CHRM3: variants seen among roughly 807,000 people sequenced by gnomAD.
CHRM3 encodes muscarinic acetylcholine receptor M3.
In CHRM3, 11 loss-of-function variants were observed where a neutral mutation model predicts 41.8. The observed-to-expected ratio is 0.26, with a 90% CI of 0.17 to 0.44. The LOEUF is 0.44. Ranked by LOEUF, CHRM3 falls within the 20% of genes least tolerant of loss-of-function variation. CHRM3 has a pLI of 1.00. For synonymous variants in CHRM3, 297 were observed against 301.4 expected (o/e 0.99, Z 0.15); for missense variants, 571 against 745.4 (o/e 0.77, Z 2.72).
intron 5 of CHRM3, among the ~76,000 whole-genome samples, chr1:239,779,996 C>G (rs1271623415): frequency 1.3e-5 from 2 of 152,126 alleles, no homozygotes; most frequent in African/African-American, 4.8e-5. Flanking sequence ...GAATAATATT[C>G]CATTGTACTG....
At chr1:239,859,397 T>C (rs1675393057) in intron 6 of CHRM3, among the ~76,000 whole-genome samples, 1 of 137,410 alleles carries the variant, frequency 7.3e-6, no homozygotes, top group African/African-American at 2.7e-5. Context: ...GTTGGCCTGT[T>C]TTTTTTGTTG....
intron 6 of CHRM3, among the ~76,000 whole-genome samples, chr1:239,869,202 G>A (rs543414462): frequency 1.3e-5 from 2 of 152,234 alleles, no homozygotes; most frequent in South Asian, 4.1e-4. Context: ...ACCTGGGCAG[G>A]ACACCCAGCA....
chr1:239,491,259 C>CT (rs1193395572), intron 1 of CHRM3, among the ~76,000 whole-genome samples: 1 of 152,156 alleles, frequency 6.6e-6, no homozygotes, highest in Non-Finnish European at 1.5e-5. Flanking sequence ...TTATAGTCAT[C>CT]CTATAGTGCT....
intron 5 of CHRM3, among the ~76,000 whole-genome samples, chr1:239,785,269 C>A (rs1668800602): frequency 6.6e-6 from 1 of 152,096 alleles, no homozygotes; most frequent in African/African-American, 2.4e-5. Context: ...TAGATAAACT[C>A]TCTGTGATTT....
intron 6 of CHRM3, among the ~76,000 whole-genome samples, chr1:239,905,395 A>C (rs146616770): frequency 3.0e-4 from 46 of 152,258 alleles, no homozygotes; most frequent in African/African-American, 1.1e-3. Flanking sequence ...CTGTAAAGTG[A>C]GGTTATTTAA....
At chr1:239,565,264 C>CCCTAATAATTAGGACCATGATTCAT (rs1661243757) in intron 3 of CHRM3, among the ~76,000 whole-genome samples, 1 of 152,146 alleles carries the variant, frequency 6.6e-6, no homozygotes, top group Non-Finnish European at 1.5e-5. Context: ...CCTGGATGGG[C>CCCTAATAATTAGGACCATGATTCAT]CCTAATAATT....
intron 1 of CHRM3, among the ~76,000 whole-genome samples, chr1:239,438,970 T>G (rs1033961825): frequency 1.3e-5 from 2 of 152,188 alleles, no homozygotes; most frequent in African/African-American, 4.8e-5. Flanking sequence ...CAGTGCAAAC[T>G]GGTTTCCTTC....
chr1:239,672,433 G>T (rs1674467823), intron 4 of CHRM3, among the ~76,000 whole-genome samples: 1 of 152,154 alleles, frequency 6.6e-6, no homozygotes, highest in African/African-American at 2.4e-5. Context: ...AATGCAAATG[G>T]CATGCATGCA....
intron 1 of CHRM3, among the ~76,000 whole-genome samples, chr1:239,483,964 A>G (rs192041604): frequency 6.6e-6 from 1 of 152,352 alleles, no homozygotes; most frequent in African/African-American, 2.4e-5. Flanking sequence ...ACAGTAATTT[A>G]ACCACAATGG....
At chr1:239,489,289 G>A (rs866160944) in intron 1 of CHRM3, among the ~76,000 whole-genome samples, 5 of 152,052 alleles carry the variant, frequency 3.3e-5, no homozygotes, top group African/African-American at 4.8e-5. Context: ...ACACATGCCT[G>A]TAATCCCAGC....
At chr1:239,487,511 C>T (rs1228102619) in intron 1 of CHRM3, among the ~76,000 whole-genome samples, 1 of 151,954 alleles carries the variant, frequency 6.6e-6, no homozygotes, top group Non-Finnish European at 1.5e-5. Context: ...GAAGTTCAGT[C>T]AGAAACATGT....
In CHRM3 at chr1:239,749,360, T is replaced by C. The variant is rs112347941; in HGVS notation, c.-147+71072T>C. ...TGTCCTTACCACTTAAACTCTGAAGTGCTCTTGCAAGAAGCTTGGAGGGTA... is the reference window on the plus strand; with the variant it reads ...TGTCCTTACCACTTAAACTCTGAAGCGCTCTTGCAAGAAGCTTGGAGGGTA... On this transcript the variant is annotated intron_variant, in intron 5 of 6. Coordinates refer to ENST00000676153, the MANE Select transcript of CHRM3 (RefSeq NM_001375978.1). 3.3e-3 allele frequency among the ~76,000 whole-genome samples: 509 copies of C among 152,264 alleles called. 5 individuals are homozygous for C. The highest frequency in any genetic ancestry group is 0.011 in the African/African-American group (475 of 41,568).
At chr1:239,829,868 C>T (rs1290168433) in intron 6 of CHRM3, among the ~76,000 whole-genome samples, 1 of 152,138 alleles carries the variant, frequency 6.6e-6, no homozygotes, top group Non-Finnish European at 1.5e-5. Context: ...GTCCAATAAG[C>T]ACTTAGAACA....
intron 1 of CHRM3, among the ~76,000 whole-genome samples, chr1:239,407,466 G>A (rs1160264759): frequency 7.2e-6 from 1 of 138,550 alleles, no homozygotes. Flanking sequence ...TTTCTAGAAC[G>A]CTATCTGTCT....
intron 5 of CHRM3, among the ~76,000 whole-genome samples, chr1:239,697,167 T>C (rs185048127): frequency 1.3e-3 from 191 of 152,270 alleles, no homozygotes; most frequent in South Asian, 3.7e-3. Context: ...CCAAATCTCA[T>C]CTTGAATTCC....
intron 1 of CHRM3, among the ~76,000 whole-genome samples, chr1:239,441,781 G>T (rs1663742683): frequency 2.0e-5 from 3 of 152,278 alleles, no homozygotes; most frequent in African/African-American, 7.2e-5. Context: ...ACAAAATTCT[G>T]CTTCAAACCT....
intron 3 of CHRM3, among the ~76,000 whole-genome samples, chr1:239,588,926 G>A (rs1025656399): frequency 6.6e-6 from 1 of 151,960 alleles, no homozygotes; most frequent in African/African-American, 2.4e-5. Flanking sequence ...TCATCTTAGT[G>A]AGTTATGAAG....
At chr1:239,904,920 T>C (rs1187288364) in intron 6 of CHRM3, among the ~76,000 whole-genome samples, 1 of 152,216 alleles carries the variant, frequency 6.6e-6, no homozygotes, top group African/African-American at 2.4e-5. Flanking sequence ...TGTGAGTGTA[T>C]TTATGTCTAA....
chr1:239,461,504 T>A (rs775080344), intron 1 of CHRM3, among the ~76,000 whole-genome samples: 10 of 152,154 alleles, frequency 6.6e-5, no homozygotes, highest in Non-Finnish European at 1.5e-4. Context: ...TACTTTCCTT[T>A]ATGGCTCCTT....
Sources: allele counts gnomAD v4.1 joint callset (sites outside exome capture counted in the v4.1 genomes callset), GRCh38; gene constraint gnomAD v4.1.1; transcripts MANE v1.5; gene names NCBI Gene and HGNC (gene_info 2026-07-23, HGNC 2026-07-21).